The following ABCA13 variants were observed in gnomAD, a reference collection of about 807,000 sequenced individuals.
The protein encoded by ABCA13 is ATP binding cassette subfamily A member 13.
ABCA13 carries 476 observed loss-of-function variants against 478.7 expected under a neutral mutation model. The ratio of observed to expected loss-of-function variants is 0.99; its 90% CI spans 0.92 to 1.07. ABCA13 has a LOEUF of 1.07. ABCA13 is among the 50% of genes least tolerant of loss of function. The pLI is 0.00. For synonymous variants in ABCA13, 2,252 were observed against 2,158.9 expected (o/e 1.04, Z -1.20); for missense variants, 6,060 against 5,910.6 (o/e 1.03, Z -0.83).
intron 33 of ABCA13, 94 bp downstream of exon 33, chr7:48,372,591 T>C (rs967881284): frequency 3.2e-5 from 34 of 1,065,726 alleles, no homozygotes; most frequent in Non-Finnish European, 4.3e-5. Flanking sequence ...CTTTTTCAAT[T>C]TGTCATGTTC....
At position 48,279,643 on chromosome 7, in the gene ABCA13, C is replaced by G. The variant is rs776977177; in HGVS notation, c.8449C>G (p.His2817Asp). Residue 2817 changes from histidine (H) to aspartate (D), a missense_variant, in exon 18 of 62, where the codon CAT (histidine) becomes GAT (aspartate). Coordinates refer to ENST00000435803, the MANE Select transcript of ABCA13 (RefSeq NM_152701.5). ...ITHHQLEKAI[H>D]NVLSRIALWR... is the part of the protein sequence containing the mutation. ...TCATCATCAACTTGAAAAAGCAATC[C>G]ATAATGTTTTAAGTAGAATAGCTCT... The G allele has an allele frequency of 6.2e-6, 10 of 1,612,902 alleles. No individual in the cohort carries two copies. In the East Asian group the frequency reaches 1.6e-4, roughly 25 times the overall value.
At chr7:48,421,301 A>G (rs1000025969) in intron 41 of ABCA13, among the ~76,000 whole-genome samples, 3 of 152,014 alleles carry the variant, frequency 2.0e-5, no homozygotes, top group African/African-American at 7.3e-5. Flanking sequence ...ATTAAAAATT[A>G]TTACTATGGC....
chr7:48,587,299 G>A lies in ABCA13; in HGVS notation c.14640+11G>A, dbSNP rs2131395600. ...GACATTCTTTTATTGGTGAGTAGAAGAATGTCAATATCTTGGAGTAAGATA... is the reference window on the plus strand; with the variant it reads ...GACATTCTTTTATTGGTGAGTAGAAAAATGTCAATATCTTGGAGTAAGATA... On this transcript the variant is annotated intron_variant, in intron 57 of 61. Coordinates refer to ENST00000435803, the MANE Select transcript of ABCA13 (RefSeq NM_152701.5). 6.3e-7 allele frequency: 1 copy of A among 1,594,580 alleles called. No homozygotes were observed. Among genetic ancestry groups the A allele is most frequent in the Non-Finnish European group, 8.6e-7 (1 of 1,169,248 alleles).
At chr7:48,591,809 T>C (rs1789772933) in intron 57 of ABCA13, among the ~76,000 whole-genome samples, 1 of 152,042 alleles carries the variant, frequency 6.6e-6, no homozygotes, top group African/African-American at 2.4e-5. Flanking sequence ...TATTTGTATG[T>C]TGATTTTGTA....
intron 52 of ABCA13, among the ~76,000 whole-genome samples, chr7:48,517,610 G>C (rs1415236999): frequency 6.6e-6 from 1 of 152,110 alleles, no homozygotes; most frequent in Non-Finnish European, 1.5e-5. Flanking sequence ...AGGCCTGCCT[G>C]GGTGTTTGCC....
intron 1 of ABCA13, among the ~76,000 whole-genome samples, chr7:48,174,554 T>A (rs1562699349): frequency 6.6e-6 from 1 of 152,166 alleles, no homozygotes; most frequent in Non-Finnish European, 1.5e-5. Context: ...ACTCTATAGA[T>A]TGTTAAAATT....
intron 35 of ABCA13, among the ~76,000 whole-genome samples, chr7:48,386,491 A>G (rs779920142): frequency 2.6e-5 from 4 of 152,232 alleles, no homozygotes; most frequent in Non-Finnish European, 5.9e-5. Context: ...AAACTATGCT[A>G]CAGGGCTACA....
In ABCA13 at chr7:48,645,632, A is replaced by T; in HGVS notation, c.*120A>T. 4 of 770,604 alleles carry T rather than the reference A, an allele frequency of 5.2e-6. No homozygotes were observed. Among genetic ancestry groups the T allele is most frequent in the Non-Finnish European group, 8.3e-6 (4 of 482,038 alleles). 47.7% of individuals were successfully genotyped at this position (770,604 alleles called of 1,614,324 possible). On this transcript the variant is annotated 3_prime_UTR_variant, in exon 62 of 62. Coordinates refer to ENST00000435803, the MANE Select transcript of ABCA13 (RefSeq NM_152701.5). ...AACACACTCTCCAGGCCGTCAAATTATTCTCTTGTTCATTTTCTATTTTGA... is the reference window on the plus strand; with the variant it reads ...AACACACTCTCCAGGCCGTCAAATTTTTCTCTTGTTCATTTTCTATTTTGA...
rs777529677 is a variant in ABCA13, at chr7:48,643,298, G to A, written c.14848G>A (p.Gly4950Ser). The change falls in exon 60 of 62, where the codon GGT (glycine) becomes AGT (serine). Residue 4950 changes from glycine to serine, a missense_variant. Around this residue, in one of 3 missense-constraint regions of ABCA13, gnomAD observed 1,627 missense variants for 1,571.0 expected, o/e 1.04. Coordinates refer to ENST00000435803, the MANE Select transcript of ABCA13 (RefSeq NM_152701.5). Reference protein sequence around the residue: ...PQHIKNRFGDGYTVKVWLCKE... With the variant: ...PQHIKNRFGDSYTVKVWLCKE... ...TTATTTAACTCTCAGGTTTGGTGATGGTTATACAGTCAAAGTTTGGCTCTG... is the reference window on the plus strand; with the variant it reads ...TTATTTAACTCTCAGGTTTGGTGATAGTTATACAGTCAAAGTTTGGCTCTG... 2 of 1,608,294 alleles carry A rather than the reference G, an allele frequency of 1.2e-6. No individual in the cohort carries two copies. The highest frequency in any genetic ancestry group is 1.1e-5 in the South Asian group (1 of 89,536).
intron 55 of ABCA13, among the ~76,000 whole-genome samples, chr7:48,557,969 A>G (rs567052862): frequency 6.6e-6 from 1 of 152,080 alleles, no homozygotes; most frequent in East Asian, 1.9e-4. Flanking sequence ...TAAATCTTAT[A>G]TGCGTGCTTC....
chr7:48,429,632 T>C (rs1821875679), intron 42 of ABCA13, among the ~76,000 whole-genome samples: 1 of 152,232 alleles, frequency 6.6e-6, no homozygotes. Context: ...GGGCAGATTT[T>C]ATTTCTAGAG....
At chr7:48,330,195 A>G (rs1450996176) in intron 27 of ABCA13, among the ~76,000 whole-genome samples, 1 of 151,500 alleles carries the variant, frequency 6.6e-6, no homozygotes, top group Non-Finnish European at 1.5e-5. Flanking sequence ...CCATTAATCT[A>G]TCAATCCATT....
intron 15 of ABCA13, among the ~76,000 whole-genome samples, chr7:48,265,108 C>A (rs1794702624): frequency 6.6e-6 from 1 of 151,466 alleles, no homozygotes; most frequent in Non-Finnish European, 1.5e-5. Context: ...ATAAGTGGGT[C>A]TTCTTCTGAA....
intron 55 of ABCA13, among the ~76,000 whole-genome samples, chr7:48,575,660 TGTGG>T (rs1788097693): frequency 6.6e-6 from 1 of 152,140 alleles, no homozygotes; most frequent in Admixed American, 6.6e-5. Context: ...TAGCTTTTCC[TGTGG>T]GTCAGAGATG....
At chr7:48,288,238 C>T (rs1382982382) in intron 20 of ABCA13, among the ~76,000 whole-genome samples, 160 bp downstream of exon 20, 1 of 152,218 alleles carries the variant, frequency 6.6e-6, no homozygotes, top group African/African-American at 2.4e-5. Flanking sequence ...ACTGCTCACC[C>T]TTCCTCCCTC....
chr7:48,541,186 A>T (rs1338075448), intron 55 of ABCA13, among the ~76,000 whole-genome samples: 1 of 152,138 alleles, frequency 6.6e-6, no homozygotes, highest in Non-Finnish European at 1.5e-5. Flanking sequence ...TGAAAATCTT[A>T]TGTTGTGATA....
chr7:48,389,155 G>C lies in ABCA13; in HGVS notation c.11589G>C (p.Leu3863=). Residue 3863 remains leucine (L), a synonymous_variant, in exon 37 of 62, where the codon CTG becomes CTC. Transcript: ENST00000435803. ...GHKAVVQDLS[L]TFYRDQITAL... The stretch of plus-strand genomic sequence containing the variant: ...AGGCTGTGGTCCAAGACCTCAGCCT[G>C]ACCTTCTACAGAGACCAAATCACCG... 1 of 1,613,972 alleles carries C rather than the reference G, an allele frequency of 6.2e-7. No homozygotes were observed. Among genetic ancestry groups the C allele is most frequent in the East Asian group, 2.2e-5 (1 of 44,876 alleles).
intron 39 of ABCA13, among the ~76,000 whole-genome samples, chr7:48,404,854 TCTGTCCCA>T (rs1818054366): frequency 6.6e-6 from 1 of 152,226 alleles, no homozygotes; most frequent in Admixed American, 6.5e-5. Context: ...TCTGTTTCTT[TCTGTCCCA>T]CAATTTTGTT....
chr7:48,524,855 C>T (rs1379346690), intron 54 of ABCA13, among the ~76,000 whole-genome samples: 1 of 149,586 alleles, frequency 6.7e-6, no homozygotes, highest in African/African-American at 2.5e-5. Flanking sequence ...AACACTCATC[C>T]ACCTAGCAAT....
Sources: allele counts gnomAD v4.1 joint callset (sites outside exome capture counted in the v4.1 genomes callset), GRCh38; gene constraint gnomAD v4.1.1; regional missense constraint gnomAD v4.1.1; transcripts MANE v1.5; gene names NCBI Gene and HGNC (gene_info 2026-07-23, HGNC 2026-07-21).